Variants in TMCC3 observed in about 807,000 individuals in gnomAD.
The protein encoded by TMCC3 is transmembrane and coiled-coil domain family 3, also known as transmembrane and coiled-coil domain protein 3.
A neutral mutation model predicts 40.2 loss-of-function variants in TMCC3; 28 were observed. That is an observed-to-expected ratio of 0.70 (90% confidence interval 0.52 to 0.95). The LOEUF is 0.95. Among genes scored for constraint, TMCC3 ranks in the 40% least tolerant of loss-of-function variants. The pLI, the probability that TMCC3 is intolerant of heterozygous loss-of-function variation, is 0.00. For synonymous variants in TMCC3, 255 were observed against 248.5 expected (o/e 1.03, Z -0.25); for missense variants, 554 against 615.2 (o/e 0.90, Z 1.05).
At chr12:94,572,095 G>A (rs913888473) in intron 3 of TMCC3, among the ~76,000 whole-genome samples, 2 of 152,102 alleles carry the variant, frequency 1.3e-5, no homozygotes, top group African/African-American at 4.8e-5. Flanking sequence ...CGCCTCCTGG[G>A]TTCAAGCAAC....
chr12:94,583,461 A>G (rs918346954), intron 1 of TMCC3, among the ~76,000 whole-genome samples: 1 of 152,176 alleles, frequency 6.6e-6, no homozygotes, highest in Non-Finnish European at 1.5e-5. Context: ...CCGAGATCAC[A>G]CCACTGTACT....
chr12:94,625,080 T>G (rs1331639531), intron 1 of TMCC3, among the ~76,000 whole-genome samples: 2 of 148,202 alleles, frequency 1.3e-5, no homozygotes, highest in African/African-American at 5.0e-5. Context: ...AGGCCAAGGT[T>G]GCAGTGAGCC....
At position 94,571,602 on chromosome 12, in the gene TMCC3, T is replaced by A; in HGVS notation, c.1267A>T (p.Thr423Ser). 6.2e-7 allele frequency: 1 copy of A among 1,614,106 alleles called. No individual in the cohort carries two copies. The highest frequency in any genetic ancestry group is 8.5e-7 in the Non-Finnish European group (1 of 1,180,010). ...RCINVILAFM[T>S]VILVCVSTIA... Reference sequence around the variant, plus strand: ...GTGGACACACACACTAAGATGACAGTCATGAAGGCCAGGATCACGTTGATG... The same window carrying A: ...GTGGACACACACACTAAGATGACAGACATGAAGGCCAGGATCACGTTGATG... Residue 423 changes from threonine (T) to serine (S), a missense_variant, in exon 4 of 4, where the codon ACT becomes TCT. Thr to Ser is a moderately conservative substitution (Grantham distance 58, BLOSUM62 1). Coordinates refer to ENST00000261226, the MANE Select transcript of TMCC3 (RefSeq NM_020698.4).
chr12:94,608,219 G>T (rs550523808), intron 1 of TMCC3, among the ~76,000 whole-genome samples: 1 of 152,172 alleles, frequency 6.6e-6, no homozygotes, highest in African/African-American at 2.4e-5. Flanking sequence ...AGTGACAAGC[G>T]TAATTAGACA....
chr12:94,614,097 G>GAA (rs10696282), intron 1 of TMCC3, among the ~76,000 whole-genome samples: 24,749 of 98,250 alleles, frequency 0.25, 3,740 homozygotes, highest in Non-Finnish European at 0.34. Flanking sequence ...TCCATCTCCA[G>GAA]AAAAAAAAAA....
intron 1 of TMCC3, among the ~76,000 whole-genome samples, chr12:94,587,808 T>C (rs2068646874): frequency 6.6e-6 from 1 of 152,250 alleles, no homozygotes; most frequent in Non-Finnish European, 1.5e-5. Flanking sequence ...GTCATTCTTT[T>C]GTATTTTCAA....
chr12:94,634,417 T>TA (rs916791441), intron 1 of TMCC3, among the ~76,000 whole-genome samples: 11 of 147,670 alleles, frequency 7.4e-5, no homozygotes, highest in African/African-American at 1.2e-4. Context: ...AACAAAAGTT[T>TA]AAAAAAAAAA....
At chr12:94,625,142 C>A (rs866509363) in intron 1 of TMCC3, among the ~76,000 whole-genome samples, 121 of 117,208 alleles carry the variant, frequency 1.0e-3, no homozygotes, top group Admixed American at 1.7e-3. Context: ...AACTCCATCT[C>A]AAAAAAAAAA....
intron 1 of TMCC3, among the ~76,000 whole-genome samples, chr12:94,595,048 C>G (rs2068707308): frequency 6.6e-6 from 1 of 152,092 alleles, no homozygotes; most frequent in South Asian, 2.1e-4. Flanking sequence ...TGTTATCTAT[C>G]AGATAACAAT....
chr12:94,617,208 G>A (rs182127343), intron 1 of TMCC3, among the ~76,000 whole-genome samples: 15 of 152,314 alleles, frequency 9.8e-5, no homozygotes, highest in East Asian at 7.7e-4. Flanking sequence ...GGTTCCTATG[G>A]GACCTTCAAA....
In TMCC3 at chr12:94,568,524, T is replaced by G. The variant is rs769889285; in HGVS notation, c.*2911A>C. Reference sequence around the variant, plus strand: ...AATGAAAGGGGTGGGGAAAGGATTATAGTTGACACAAACATAAATTAAATA... The same window carrying G: ...AATGAAAGGGGTGGGGAAAGGATTAGAGTTGACACAAACATAAATTAAATA... On this transcript the variant is annotated 3_prime_UTR_variant, in exon 4 of 4. Coordinates refer to ENST00000261226, the MANE Select transcript of TMCC3 (RefSeq NM_020698.4). 1 of 152,218 alleles carries G rather than the reference T, an allele frequency of 6.6e-6. No homozygotes were observed. Among genetic ancestry groups the G allele is most frequent in the Non-Finnish European group, 1.5e-5 (1 of 68,028 alleles). The allele number at this position is 152,218 out of a possible 1,614,324, so 9.4% of individuals were successfully genotyped here.
chr12:94,648,214 G>T (rs921703640), intron 1 of TMCC3, among the ~76,000 whole-genome samples: 1 of 143,272 alleles, frequency 7.0e-6, no homozygotes, highest in African/African-American at 2.8e-5. Context: ...ATTGTCAGTA[G>T]AATTGTTTTA....
intron 1 of TMCC3, among the ~76,000 whole-genome samples, chr12:94,596,212 T>C (rs2068714255): frequency 6.6e-6 from 1 of 152,220 alleles, no homozygotes; most frequent in Non-Finnish European, 1.5e-5. Context: ...GACCTTTATA[T>C]ACACTCTCCT....
At chr12:94,649,694 C>T (rs1024655662) in intron 1 of TMCC3, among the ~76,000 whole-genome samples, 2 of 152,266 alleles carry the variant, frequency 1.3e-5, no homozygotes, top group African/African-American at 4.8e-5. Context: ...CCCTACAGGG[C>T]TCGTCTCTGC....
intron 1 of TMCC3, among the ~76,000 whole-genome samples, chr12:94,588,505 G>A (rs1045024526): frequency 1.3e-5 from 2 of 152,232 alleles, no homozygotes; most frequent in African/African-American, 4.8e-5. Flanking sequence ...AAGGCTGTTT[G>A]AGCCTCAGGC....
At chr12:94,639,840 G>C (rs1261803918) in intron 1 of TMCC3, among the ~76,000 whole-genome samples, 1 of 150,736 alleles carries the variant, frequency 6.6e-6, no homozygotes, top group Non-Finnish European at 1.5e-5. Context: ...CTGAAATTTG[G>C]ATCTGGGTTC....
chr12:94,592,118 A>AT (rs1266642004), intron 1 of TMCC3, among the ~76,000 whole-genome samples: 1 of 152,206 alleles, frequency 6.6e-6, no homozygotes, highest in Non-Finnish European at 1.5e-5. Context: ...CCAGAAGGAC[A>AT]TTTTATTAGG....
intron 1 of TMCC3, among the ~76,000 whole-genome samples, chr12:94,634,188 G>A (rs190283817): frequency 1.4e-4 from 21 of 152,026 alleles, no homozygotes; most frequent in African/African-American, 4.8e-4. Flanking sequence ...CAGGCAATCC[G>A]CCCGGCTGGG....
chr12:94,629,265 C>T (rs531724679), intron 1 of TMCC3, among the ~76,000 whole-genome samples: 13 of 152,246 alleles, frequency 8.5e-5, no homozygotes, highest in African/African-American at 3.1e-4. Flanking sequence ...CAGGAGGGTC[C>T]AAGCAGGAAG....
Sources: gnomAD v4.1 joint callset for allele counts (sites outside exome capture counted in the v4.1 genomes callset) on GRCh38, gnomAD v4.1.1 for gene constraint, MANE v1.5 for transcripts, NCBI Gene and HGNC (gene_info 2026-07-23, HGNC 2026-07-21) for gene names.